CTNNA3: variants seen among roughly 807,000 people sequenced by gnomAD.
The protein encoded by CTNNA3 is catenin alpha-3.
In CTNNA3, 76 loss-of-function variants were observed where a neutral mutation model predicts 95.7. That is an observed-to-expected ratio of 0.79 (90% CI 0.66 to 0.96). CTNNA3 has a LOEUF of 0.96. CTNNA3 is among the 40% of genes least tolerant of loss of function. The probability of loss-of-function intolerance (pLI) is 0.00; values close to 1 mark genes in which losing one functional copy is unlikely to be tolerated. For missense variants in CTNNA3, 1,191 were observed against 1,089.8 expected (o/e 1.09, Z -1.31); for synonymous variants, 431 against 374.4 (o/e 1.15, Z -1.74).
chr10:66,078,574 T>C (rs2080624847), intron 14 of CTNNA3, among the ~76,000 whole-genome samples: 1 of 151,950 alleles, frequency 6.6e-6, no homozygotes, highest in Admixed American at 6.6e-5. Flanking sequence ...TCATGTAAAT[T>C]ATTTACTCAT....
At chr10:66,616,929 T>C (rs1844536875) in intron 10 of CTNNA3, among the ~76,000 whole-genome samples, 1 of 151,884 alleles carries the variant, frequency 6.6e-6, no homozygotes, top group Non-Finnish European at 1.5e-5. Context: ...TTAAGAAAAA[T>C]ATCAAGAAGC....
chr10:67,711,297 G>A (rs948680156), intron 1 of CTNNA3, among the ~76,000 whole-genome samples: 3 of 152,210 alleles, frequency 2.0e-5, no homozygotes, highest in Admixed American at 6.5e-5. Flanking sequence ...ATAGGCAGAG[G>A]TTGGAACAGT....
chr10:67,342,631 G>A (rs1300331009), intron 5 of CTNNA3, among the ~76,000 whole-genome samples: 2 of 152,166 alleles, frequency 1.3e-5, no homozygotes, highest in East Asian at 3.9e-4. Flanking sequence ...AAGAGATAGG[G>A]GTCTAGTTTC....
intron 7 of CTNNA3, among the ~76,000 whole-genome samples, chr10:66,916,048 C>T (rs182234477): frequency 4.1e-4 from 62 of 152,156 alleles, no homozygotes; most frequent in Middle Eastern, 3.4e-3. Context: ...TGTGCCCAGT[C>T]CTTGACATAT....
intron 12 of CTNNA3, among the ~76,000 whole-genome samples, chr10:66,303,416 A>G (rs2091890721): frequency 6.6e-6 from 1 of 152,186 alleles, no homozygotes; most frequent in South Asian, 2.1e-4. Flanking sequence ...CATATAGTCT[A>G]TTGGAACAAA....
chr10:67,014,878 T>C (rs1427563725), intron 7 of CTNNA3, among the ~76,000 whole-genome samples: 1 of 152,108 alleles, frequency 6.6e-6, no homozygotes, highest in East Asian at 1.9e-4. Context: ...ACATAAGCCT[T>C]AATTTTGAAA....
intron 10 of CTNNA3, among the ~76,000 whole-genome samples, chr10:66,577,568 T>C (rs117859066): frequency 0.024 from 3,629 of 152,146 alleles, 82 homozygotes; most frequent in South Asian, 0.056. Flanking sequence ...CCCAGCACCA[T>C]TTATTGACTA....
At chr10:66,739,034 A>G (rs1849241218) in intron 9 of CTNNA3, among the ~76,000 whole-genome samples, 1 of 152,166 alleles carries the variant, frequency 6.6e-6, no homozygotes. Context: ...AATAAATTTC[A>G]GTCATCTCAG....
At chr10:66,848,939 T>A (rs1023094464) in intron 7 of CTNNA3, among the ~76,000 whole-genome samples, 1 of 152,202 alleles carries the variant, frequency 6.6e-6, no homozygotes, top group Non-Finnish European at 1.5e-5. Context: ...ATACTTAGAT[T>A]GCACAACTGT....
chr10:66,186,781 C>G (rs1159581091), intron 13 of CTNNA3, among the ~76,000 whole-genome samples: 1 of 151,866 alleles, frequency 6.6e-6, no homozygotes, highest in East Asian at 1.9e-4. Flanking sequence ...GCAGTAATCC[C>G]AATATTACTT....
intron 5 of CTNNA3, among the ~76,000 whole-genome samples, chr10:67,259,418 T>C (rs1221756533): frequency 1.4e-5 from 2 of 144,662 alleles, no homozygotes; most frequent in Non-Finnish European, 3.1e-5. Context: ...AAACAAACAA[T>C]AAAAAAAAAA....
intron 13 of CTNNA3, among the ~76,000 whole-genome samples, chr10:66,103,833 A>G (rs917580193): frequency 1.3e-5 from 2 of 152,186 alleles, no homozygotes; most frequent in African/African-American, 4.8e-5. Flanking sequence ...TGAATATACT[A>G]AAAAACACTG....
chr10:67,128,162 T>C (rs536806043), intron 7 of CTNNA3, among the ~76,000 whole-genome samples: 87 of 151,394 alleles, frequency 5.7e-4, no homozygotes, highest in Non-Finnish European at 9.3e-4. Context: ...TGACTGGCCA[T>C]AGGGTGCCCA....
chr10:66,327,987 C>T (rs1438008416), intron 12 of CTNNA3, among the ~76,000 whole-genome samples: 1 of 152,074 alleles, frequency 6.6e-6, no homozygotes, highest in East Asian at 1.9e-4. Flanking sequence ...AAATTATTTC[C>T]CATGAGGGAA....
intron 13 of CTNNA3, among the ~76,000 whole-genome samples, chr10:66,213,544 A>G (rs936516252): frequency 2.0e-4 from 31 of 152,278 alleles, no homozygotes; most frequent in Admixed American, 4.6e-4. Context: ...AGTATATTTC[A>G]TTATTATCTT....
chr10:66,297,679 G>A (rs1589048708), intron 12 of CTNNA3, among the ~76,000 whole-genome samples: 1 of 152,224 alleles, frequency 6.6e-6, no homozygotes, highest in South Asian at 2.1e-4. Flanking sequence ...GTTTCTTATT[G>A]TCTACGTAAT....
intron 5 of CTNNA3, among the ~76,000 whole-genome samples, chr10:67,231,817 G>T (rs1190551388): frequency 2.0e-5 from 3 of 152,208 alleles, no homozygotes; most frequent in African/African-American, 7.2e-5. Context: ...AGTGCTTAAA[G>T]GAGTTGATGG....
chr10:65,933,999 T>C (rs1010395131), intron 17 of CTNNA3, among the ~76,000 whole-genome samples: 3 of 152,102 alleles, frequency 2.0e-5, no homozygotes, highest in Non-Finnish European at 2.9e-5. Context: ...TGTAAAAACA[T>C]GAAATTTAGA....
chr10:67,230,984 C>A (rs1173035684), intron 5 of CTNNA3, among the ~76,000 whole-genome samples: 1 of 152,212 alleles, frequency 6.6e-6, no homozygotes, highest in East Asian at 1.9e-4. Context: ...AAAAACGGCG[C>A]ACCAGGAGAC....
Sources: gnomAD v4.1 joint callset for allele counts (sites outside exome capture counted in the v4.1 genomes callset) on GRCh38, gnomAD v4.1.1 for gene constraint, MANE v1.5 for transcripts, NCBI Gene and HGNC (gene_info 2026-07-23, HGNC 2026-07-21) for gene names.